TIMMDC1: variants seen among roughly 807,000 people sequenced by gnomAD.
TIMMDC1 encodes the protein complex I assembly factor TIMMDC1, mitochondrial.
In TIMMDC1, 25 loss-of-function variants were observed where a neutral mutation model predicts 32.6. The ratio of observed to expected loss-of-function variants is 0.77; its 90% CI spans 0.56 to 1.07. The LOEUF is 1.07. Ranked by LOEUF, TIMMDC1 falls within the 50% of genes least tolerant of loss-of-function variation. The pLI is 0.00. For missense variants in TIMMDC1, 329 were observed against 349.2 expected (o/e 0.94, Z 0.46); for synonymous variants, 130 against 127.6 (o/e 1.02, Z -0.13).
intron 6 of TIMMDC1, among the ~76,000 whole-genome samples, chr3:119,520,988 A>G (rs2082022853): frequency 1.3e-5 from 2 of 152,188 alleles, no homozygotes; most frequent in African/African-American, 4.8e-5. Flanking sequence ...AAAAAACCAT[A>G]TGATCATCTC....
At chr3:119,502,622 G>C (rs1577095564) in intron 2 of TIMMDC1, among the ~76,000 whole-genome samples, 2 of 152,036 alleles carry the variant, frequency 1.3e-5, no homozygotes, top group South Asian at 4.2e-4. Flanking sequence ...GCAGCGGCGC[G>C]ATCATAGCTC....
intron 4 of TIMMDC1, among the ~76,000 whole-genome samples, chr3:119,510,906 G>C (rs939179389): frequency 1.3e-5 from 2 of 152,272 alleles, no homozygotes; most frequent in South Asian, 4.1e-4. Context: ...GAACACAATA[G>C]CAATGCTGAC....
intron 4 of TIMMDC1, among the ~76,000 whole-genome samples, chr3:119,506,730 C>G (rs2081921175): frequency 6.6e-6 from 1 of 152,054 alleles, no homozygotes; most frequent in South Asian, 2.1e-4. Flanking sequence ...TATGATTTTG[C>G]CACTTTTCTG....
At chr3:119,506,684 T>C (rs2107729083) in intron 4 of TIMMDC1, among the ~76,000 whole-genome samples, 1 of 152,326 alleles carries the variant, frequency 6.6e-6, no homozygotes, top group African/African-American at 2.4e-5. Context: ...CTTGATGTGC[T>C]CTACCTGTAA....
At chr3:119,503,077 T>C (rs1328622231) in intron 2 of TIMMDC1, among the ~76,000 whole-genome samples, 6 of 152,212 alleles carry the variant, frequency 3.9e-5, no homozygotes. Context: ...TTCTGTAGAT[T>C]TATAATTCAT....
chr3:119,505,660 C>T (rs531422793), intron 4 of TIMMDC1, among the ~76,000 whole-genome samples: 35 of 152,154 alleles, frequency 2.3e-4, no homozygotes, highest in Non-Finnish European at 4.1e-4. Context: ...AGCTACCACG[C>T]CCGGCCTGAA....
At chr3:119,501,309 A>G (rs1043158070) in intron 2 of TIMMDC1, among the ~76,000 whole-genome samples, 1 of 152,178 alleles carries the variant, frequency 6.6e-6, no homozygotes, top group African/African-American at 2.4e-5. Context: ...AGAATTTTTA[A>G]CTTTTTATTT....
chr3:119,504,377 G>A (rs2081902290), intron 4 of TIMMDC1, among the ~76,000 whole-genome samples: 1 of 152,176 alleles, frequency 6.6e-6, no homozygotes. Flanking sequence ...GAATAGGAAG[G>A]AGCAAGACTT....
At position 119,520,781 on chromosome 3, in the gene TIMMDC1, AAAC is replaced by A. The variant is rs753583375; in HGVS notation, c.708-2810_708-2808del. On this transcript the variant is annotated intron_variant, in intron 6 of 6. Coordinates refer to ENST00000494664, the MANE Select transcript of TIMMDC1 (RefSeq NM_016589.4). Reference sequence around the variant, plus strand: ...AACAACAAACAGACAAAGGCTCATTAAACAACAACAACAACAAAACCTACAGGC... The same window carrying A: ...AACAACAAACAGACAAAGGCTCATTAAACAACAACAACAAAACCTACAGGC... 2.2e-3 allele frequency among the ~76,000 whole-genome samples: 341 copies of A among 152,276 alleles called. 1 individual carries two copies. Among genetic ancestry groups the A allele is most frequent in the African/African-American group, 7.3e-3 (304 of 41,564 alleles).
chr3:119,498,880 T>C lies in TIMMDC1; in HGVS notation c.147T>C (p.Tyr49=), dbSNP rs1463690907. The change falls in exon 1 of 7, where the codon TAT becomes TAC. Residue 49 remains tyrosine (Y), a synonymous_variant. Transcript: ENST00000494664. The part of the protein sequence containing the change: ...QKRLPYVPEP[Y]YPESGWDRLR... ...GGCTTCCCTACGTCCCAGAGCCCTA[T>C]TACCCGGAATCTGGATGGGACCGCC... 6.2e-7 allele frequency: 1 copy of C among 1,613,992 alleles called. No homozygotes were observed.
In TIMMDC1 at chr3:119,498,837, T is replaced by C; in HGVS notation, c.104T>C (p.Leu35Pro). The C allele has an allele frequency of 1.2e-6, 2 of 1,614,188 alleles. No homozygotes were observed. Among genetic ancestry groups the C allele is most frequent in the Non-Finnish European group, 1.7e-6 (2 of 1,180,030 alleles). ...AEAVTADSEVLEERQKRLPYV... is the reference protein window; with the variant it reads ...AEAVTADSEVPEERQKRLPYV... ...GCTGTGACTGCCGATTCGGAAGTCC[T>C]TGAGGAGCGTCAGAAGCGGCTTCCC... The change falls in exon 1 of 7, where the codon CTT (leucine) becomes CCT (proline). Residue 35 changes from leucine to proline, a missense_variant. Coordinates refer to ENST00000494664, the MANE Select transcript of TIMMDC1 (RefSeq NM_016589.4).
rs2082046051 is a variant in TIMMDC1 at position 119,523,656 on chromosome 3, G to A, written c.758G>A (p.Ser253Asn). The A allele has an allele frequency of 1.9e-6, 3 of 1,613,272 alleles. No homozygotes were observed. The highest frequency in any genetic ancestry group is 2.5e-6 in the Non-Finnish European group (3 of 1,179,676). The change falls in exon 7 of 7, where the codon AGT becomes AAT. Residue 253 changes from serine (S) to asparagine (N), a missense_variant. By Grantham distance (46) the Ser-to-Asn change is conservative. Transcript: ENST00000494664. ...TEHLPEKIES[S>N]LQEDEPENDA... is the part of the protein sequence containing the mutation. ...CACCTCCCTGAGAAAATTGAAAGTA[G>A]TTTACAGGAAGATGAACCTGAGAAT...
rs879483586 is a variant in TIMMDC1 at position 119,504,106 on chromosome 3, T to G, written c.517+85T>G. 2.8e-6 allele frequency: 3 copies of G among 1,052,810 alleles called. No homozygotes were observed. In the Admixed American group the frequency reaches 6.0e-5, roughly 21 times the overall value. 65.2% of individuals were successfully genotyped at this position (1,052,810 alleles called of 1,614,324 possible). A position where few individuals can be genotyped will look rare whatever the true frequency, so the allele number is the denominator to read the frequency against. ...GGACTTATACATCAGAACTACTGAATTCTTTGGTTGGCTTCCCATTACATC... is the reference window on the plus strand; with the variant it reads ...GGACTTATACATCAGAACTACTGAAGTCTTTGGTTGGCTTCCCATTACATC... On this transcript the variant is annotated intron_variant, in intron 4 of 6. Coordinates refer to ENST00000494664, the MANE Select transcript of TIMMDC1 (RefSeq NM_016589.4).
rs2081889008 is a variant in TIMMDC1 at position 119,502,782 on chromosome 3, A to T, written c.361-750A>T. 2.0e-5 allele frequency among the ~76,000 whole-genome samples: 3 copies of T among 151,934 alleles called. 1 individual carries two copies. Among genetic ancestry groups the T allele is most frequent in the South Asian group, 4.2e-4 (2 of 4,808 alleles). ...CGCTATGTTGCCCAGGCTGGTCTTA[A>T]ACTTGTCGGCTCAAGTGATCCTCCC... is the stretch of plus-strand genomic sequence containing the variant. On this transcript the variant is annotated intron_variant, in intron 2 of 6. Coordinates refer to ENST00000494664, the MANE Select transcript of TIMMDC1 (RefSeq NM_016589.4).
chr3:119,520,642 A>G (rs998096141), intron 6 of TIMMDC1, among the ~76,000 whole-genome samples: 2 of 152,220 alleles, frequency 1.3e-5, no homozygotes, highest in Non-Finnish European at 2.9e-5. Flanking sequence ...TTCATTGCTA[A>G]ATTCTGCCAA....
In TIMMDC1 at chr3:119,499,032, A is replaced by G. The variant is rs2081847223; in HGVS notation, c.194+105A>G. On this transcript the variant is annotated intron_variant, in intron 1 of 6. Coordinates refer to ENST00000494664, the MANE Select transcript of TIMMDC1 (RefSeq NM_016589.4). The stretch of plus-strand genomic sequence containing the variant: ...TAGGACACCAAGGATGGTGTGCTTC[A>G]TTTTTAGATTATATTTGAGGTTCTG... 30 of 827,472 alleles carry G rather than the reference A, an allele frequency of 3.6e-5. No homozygotes were observed. The South Asian group carries it at 4.0e-4, about 11-fold the overall frequency. The allele number at this position is 827,472 out of a possible 1,614,324, so 51.3% of individuals were successfully genotyped here.
intron 5 of TIMMDC1, among the ~76,000 whole-genome samples, 170 bp downstream of exon 5, chr3:119,513,889 T>C (rs1487472618): frequency 6.6e-6 from 1 of 152,244 alleles, no homozygotes; most frequent in Non-Finnish European, 1.5e-5. Flanking sequence ...TCTACCCCAA[T>C]AGTTTATCTT....
intron 4 of TIMMDC1, among the ~76,000 whole-genome samples, chr3:119,513,108 G>A (rs372122304): frequency 5.3e-5 from 8 of 152,314 alleles, no homozygotes; most frequent in African/African-American, 1.9e-4. Context: ...ATAGTGAAAG[G>A]AAAATGAATG....
chr3:119,503,630 C>G lies in TIMMDC1; in HGVS notation c.449+10C>G. 1 of 1,589,954 alleles carries G rather than the reference C, an allele frequency of 6.3e-7. No homozygotes were observed. Among genetic ancestry groups the G allele is most frequent in the Non-Finnish European group, 8.6e-7 (1 of 1,166,444 alleles). ...TTGTGACTATATTCAAGTAAGTTCA[C>G]TCTGAATTGTGAGATAGTGAATTTT... is the stretch of plus-strand genomic sequence containing the variant. On this transcript the variant is annotated intron_variant, in intron 3 of 6. Transcript: ENST00000494664.
Sources: allele counts gnomAD v4.1 joint callset (sites outside exome capture counted in the v4.1 genomes callset), GRCh38; gene constraint gnomAD v4.1.1; transcripts MANE v1.5; gene names NCBI Gene and HGNC (gene_info 2026-07-23, HGNC 2026-07-21).